The following ADAM32 variants were observed in gnomAD, a reference collection of about 807,000 sequenced individuals.
ADAM32 encodes the protein disintegrin and metalloproteinase domain-containing protein 32.
A neutral mutation model predicts 114.9 loss-of-function variants in ADAM32; 89 were observed. The ratio of observed to expected loss-of-function variants is 0.77; its 90% CI spans 0.65 to 0.92. ADAM32 has a LOEUF of 0.92. ADAM32 is among the 40% of genes least tolerant of loss of function. The pLI is 0.00. For synonymous variants in ADAM32, 285 were observed against 307.5 expected, an observed-to-expected ratio of 0.93 and a Z score of 0.77; for missense variants, 870 against 932.8, an observed-to-expected ratio of 0.93 and a Z score of 0.88.
At chr8:39,170,377 G>A (rs1805114808) in intron 10 of ADAM32, among the ~76,000 whole-genome samples, 1 of 151,770 alleles carries the variant, frequency 6.6e-6, no homozygotes, top group African/African-American at 2.4e-5. Flanking sequence ...ACCAGATTAA[G>A]GATTCCTTAA....
intron 11 of ADAM32, among the ~76,000 whole-genome samples, chr8:39,194,805 G>A (rs775655101): frequency 3.3e-5 from 5 of 152,152 alleles, no homozygotes; most frequent in South Asian, 2.1e-4. Flanking sequence ...CTAAAGTCTC[G>A]TACGGAAGGA....
chr8:39,110,320 C>A (rs1840107045), intron 1 of ADAM32, among the ~76,000 whole-genome samples: 1 of 152,198 alleles, frequency 6.6e-6, no homozygotes, highest in Admixed American at 6.5e-5. Context: ...ATCCACCCAC[C>A]TTGGCCTCCC....
chr8:39,229,908 G>A (rs1352535841), intron 14 of ADAM32, among the ~76,000 whole-genome samples: 1 of 152,082 alleles, frequency 6.6e-6, no homozygotes, highest in Non-Finnish European at 1.5e-5. Context: ...ATTTAACAAT[G>A]CATGGAACTC....
At chr8:39,283,704 T>C in intron 24 of ADAM32, 80 bp downstream of exon 24, 1 of 1,164,262 alleles carries the variant, frequency 8.6e-7, no homozygotes, top group Non-Finnish European at 1.2e-6. Flanking sequence ...TATTAATTCC[T>C]AAGTATGGAC....
intron 4 of ADAM32, among the ~76,000 whole-genome samples, chr8:39,148,624 T>TG (rs1348542959): frequency 6.6e-6 from 1 of 152,178 alleles, no homozygotes; most frequent in East Asian, 1.9e-4. Flanking sequence ...TATTTACTGA[T>TG]GTAACACCAG....
intron 12 of ADAM32, among the ~76,000 whole-genome samples, chr8:39,219,532 G>T (rs1335656141): frequency 6.6e-6 from 1 of 152,180 alleles, no homozygotes; most frequent in Non-Finnish European, 1.5e-5. Flanking sequence ...TTTACACTGT[G>T]TCAGGGCAAC....
At chr8:39,253,561 A>G (rs1450679266) in intron 17 of ADAM32, among the ~76,000 whole-genome samples, 1 of 151,742 alleles carries the variant, frequency 6.6e-6, no homozygotes, top group Non-Finnish European at 1.5e-5. Context: ...GAAATAATGA[A>G]TTCAGTAAAG....
chr8:39,257,140 G>C (rs1811696564), intron 18 of ADAM32, 47 bp from the exon 19 acceptor site: 1 of 1,469,364 alleles, frequency 6.8e-7, no homozygotes, highest in East Asian at 2.4e-5. Flanking sequence ...AGTAAAAGTA[G>C]ATAGTTTAAT....
intron 19 of ADAM32, among the ~76,000 whole-genome samples, chr8:39,265,032 T>C (rs758669524): frequency 6.6e-6 from 1 of 152,140 alleles, no homozygotes; most frequent in Non-Finnish European, 1.5e-5. Flanking sequence ...CCCAAATACC[T>C]TTGTTAGTTT....
intron 10 of ADAM32, among the ~76,000 whole-genome samples, chr8:39,185,281 A>T (rs1188681997): frequency 1.5e-5 from 2 of 137,274 alleles, no homozygotes; most frequent in African/African-American, 5.3e-5. Flanking sequence ...AAAAAAAAAA[A>T]TTCCAACTGG....
chr8:39,143,846 G>A (rs553375545), intron 3 of ADAM32, among the ~76,000 whole-genome samples: 2 of 152,282 alleles, frequency 1.3e-5, no homozygotes, highest in South Asian at 2.1e-4. Context: ...AGTAGGCCTC[G>A]CTGAGCTGTG....
intron 11 of ADAM32, among the ~76,000 whole-genome samples, chr8:39,189,532 C>A (rs1007240728): frequency 5.9e-5 from 9 of 151,992 alleles, no homozygotes; most frequent in Non-Finnish European, 1.3e-4. Context: ...GTGATATTTT[C>A]ATATCTGTAT....
intron 13 of ADAM32, among the ~76,000 whole-genome samples, chr8:39,222,446 T>C (rs545323123): frequency 5.3e-4 from 80 of 152,136 alleles, no homozygotes; most frequent in African/African-American, 1.8e-3. Context: ...TTAAGAATTA[T>C]GAGATAGATG....
chr8:39,261,112 A>G (rs768250316), intron 19 of ADAM32, among the ~76,000 whole-genome samples: 1 of 152,128 alleles, frequency 6.6e-6, no homozygotes, highest in Non-Finnish European at 1.5e-5. Context: ...GAAACTATAT[A>G]TTATTGTTAA....
intron 16 of ADAM32, among the ~76,000 whole-genome samples, chr8:39,239,592 A>G (rs1810421765): frequency 6.6e-6 from 1 of 152,200 alleles, no homozygotes; most frequent in African/African-American, 2.4e-5. Context: ...TAACATTGAA[A>G]ATAAATGGCC....
At chr8:39,272,995 C>T (rs1812828608) in intron 20 of ADAM32, among the ~76,000 whole-genome samples, 1 of 151,564 alleles carries the variant, frequency 6.6e-6, no homozygotes, top group African/African-American at 2.4e-5. Flanking sequence ...TAGCCTTGGT[C>T]TATGCAGGGT....
chr8:39,134,755 C>G (rs4590405), intron 2 of ADAM32, among the ~76,000 whole-genome samples: 41,363 of 152,014 alleles, frequency 0.27, 5,781 homozygotes, highest in Middle Eastern at 0.34. Context: ...AGTGAAAGTA[C>G]AGCTAAACAA....
At chr8:39,123,424 T>A (rs1238046670) in intron 2 of ADAM32, among the ~76,000 whole-genome samples, 1 of 152,204 alleles carries the variant, frequency 6.6e-6, no homozygotes, top group East Asian at 1.9e-4. Context: ...GTCTCCACAC[T>A]GGGGGTTTGG....
At chr8:39,161,103 C>A in intron 7 of ADAM32, 138 bp downstream of exon 7, 1 of 749,928 alleles carries the variant, frequency 1.3e-6, no homozygotes. Context: ...AATGTGCAAA[C>A]TGAGAAACTA....
Sources: gnomAD v4.1 joint callset for allele counts (sites outside exome capture counted in the v4.1 genomes callset) on GRCh38, gnomAD v4.1.1 for gene constraint, MANE v1.5 for transcripts, NCBI Gene and HGNC (gene_info 2026-07-23, HGNC 2026-07-21) for gene names.